Variants in PHF21B observed in about 807,000 individuals in gnomAD.
PHF21B encodes the protein PHD finger protein 4.
PHF21B carries 22 observed loss-of-function variants against 62.2 expected under a neutral mutation model. The ratio of observed to expected loss-of-function variants is 0.35; its 90% CI spans 0.25 to 0.51. The LOEUF is 0.51. PHF21B is among the 20% of genes least tolerant of loss of function. PHF21B has a pLI of 0.97. For missense variants in PHF21B, 701 were observed against 707.9 expected (o/e 0.99, Z 0.11); for synonymous variants, 341 against 314.7 (o/e 1.08, Z -0.88).
chr22:44,919,469 G>T (rs1194729687), intron 3 of PHF21B, among the ~76,000 whole-genome samples: 1 of 152,222 alleles, frequency 6.6e-6, no homozygotes, highest in Non-Finnish European at 1.5e-5. Context: ...GAAACCAAAA[G>T]ATTGGAAGAT....
In PHF21B at chr22:44,937,156, G is replaced by A. The variant is rs1339216252; in HGVS notation, c.121-16666C>T. 3.9e-5 allele frequency among the ~76,000 whole-genome samples: 6 copies of A among 152,216 alleles called. No homozygotes were observed. The East Asian group carries it at 7.7e-4, about 20-fold the overall frequency. ...GCTGGGATTACAGGCATGAACCACC[G>A]CACCCGGCTGAACATTCGCTTCTGC... is the stretch of plus-strand genomic sequence containing the variant. On this transcript the variant is annotated intron_variant, in intron 2 of 12. Coordinates refer to ENST00000313237, the MANE Select transcript of PHF21B (RefSeq NM_138415.5).
chr22:44,889,624 G>C, intron 9 of PHF21B, 136 bp downstream of exon 9: 1 of 1,079,178 alleles, frequency 9.3e-7, no homozygotes, highest in Non-Finnish European at 1.3e-6. Flanking sequence ...AAAGCTCTTA[G>C]CACCTAAAGG....
intron 9 of PHF21B, among the ~76,000 whole-genome samples, chr22:44,889,453 C>A (rs764664712): frequency 6.6e-6 from 1 of 152,208 alleles, no homozygotes; most frequent in Non-Finnish European, 1.5e-5. Context: ...GGCCTTTGGG[C>A]ACCAGCTGGC....
chr22:44,953,022 G>T (rs754622417), intron 2 of PHF21B, among the ~76,000 whole-genome samples: 1 of 152,178 alleles, frequency 6.6e-6, no homozygotes, highest in South Asian at 2.1e-4. Flanking sequence ...CAGCCAGGGG[G>T]ACAGAAGTGG....
chr22:45,005,507 C>T (rs2073299506), intron 2 of PHF21B, among the ~76,000 whole-genome samples: 2 of 152,222 alleles, frequency 1.3e-5, no homozygotes, highest in South Asian at 4.1e-4. Context: ...CTACCCTGAC[C>T]AATAAGCTAT....
In PHF21B at chr22:44,945,909, G is replaced by A. The variant is rs145153735; in HGVS notation, c.121-25419C>T. Among the ~76,000 whole-genome samples, 764 of 152,244 alleles carry A rather than the reference G, an allele frequency of 5.0e-3. 1 individual carries two copies. The highest frequency in any genetic ancestry group is 8.5e-3 in the Non-Finnish European group (580 of 68,022). On this transcript the variant is annotated intron_variant, in intron 2 of 12. Transcript: ENST00000313237. Reference sequence around the variant, plus strand: ...GGAAGATGCTACCATCCCCTCCTGAGGATGACCTCAGGGCCACCCGTGCTG... The same window carrying A: ...GGAAGATGCTACCATCCCCTCCTGAAGATGACCTCAGGGCCACCCGTGCTG...
At chr22:44,995,504 C>T (rs771394674) in intron 2 of PHF21B, among the ~76,000 whole-genome samples, 25 of 152,126 alleles carry the variant, frequency 1.6e-4, no homozygotes, top group Non-Finnish European at 2.8e-4. Flanking sequence ...AGTCCCGAGG[C>T]ACTCTGGTTG....
At chr22:45,004,066 G>A (rs1252139094) in intron 2 of PHF21B, among the ~76,000 whole-genome samples, 1 of 152,102 alleles carries the variant, frequency 6.6e-6, no homozygotes, top group African/African-American at 2.4e-5. Context: ...ATTAGTGGTT[G>A]CTTAAAGCTG....
rs201543548 is a variant in PHF21B, at chr22:44,883,270, C to A, written c.1412G>T (p.Arg471Leu). The change falls in exon 13 of 13, where the codon CGC becomes CTC. Residue 471 changes from arginine (R) to leucine (L), a missense_variant. Transcript: ENST00000313237. ...CLELKTSLLA[R>L]QRGTQSSLDR... is the part of the protein sequence containing the mutation. The stretch of plus-strand genomic sequence containing the variant: ...CAGGGATGACTGGGTGCCCCTCTGG[C>A]GGGCCAGCAGGCTTGTCTTCAACTC... The A allele has an allele frequency of 1.2e-6, 2 of 1,613,796 alleles. No individual in the cohort carries two copies. Among genetic ancestry groups the A allele is most frequent in the Non-Finnish European group, 8.5e-7 (1 of 1,179,930 alleles).
At chr22:44,896,883 T>TTTTTTTTTTTTTTTTTTTTTTTTTTTTG (rs1555933178) in intron 5 of PHF21B, among the ~76,000 whole-genome samples, 1 of 132,320 alleles carries the variant, frequency 7.6e-6, no homozygotes. Context: ...TTTATCTGTT[T>TTTTTTTTTTTTTTTTTTTTTTTTTTTTG]TTTTTTTTTT....
chr22:44,905,863 C>T (rs2071240571), intron 5 of PHF21B, among the ~76,000 whole-genome samples: 2 of 152,150 alleles, frequency 1.3e-5, no homozygotes, highest in Non-Finnish European at 1.5e-5. Flanking sequence ...CTCCTGACCT[C>T]GTGATCCGCC....
Position 44,968,141 on chromosome 22 carries a change from C to T in PHF21B, c.120+40404G>A, listed in dbSNP as rs1042756142. Among the ~76,000 whole-genome samples, 9 of 152,152 alleles carry T rather than the reference C, an allele frequency of 5.9e-5. No homozygotes were observed. The East Asian group carries it at 9.6e-4, about 16-fold the overall frequency. On this transcript the variant is annotated intron_variant, in intron 2 of 12. Coordinates refer to ENST00000313237, the MANE Select transcript of PHF21B (RefSeq NM_138415.5). ...TGTGATCTTTGGGAGAAAGCCACTG[C>T]GCCCAGCTCACCCTTAAGGGGTGAG...
chr22:44,988,270 T>C (rs2072987097), intron 2 of PHF21B, among the ~76,000 whole-genome samples: 1 of 152,166 alleles, frequency 6.6e-6, no homozygotes, highest in Non-Finnish European at 1.5e-5. Flanking sequence ...TTCAAGATCA[T>C]GACCTGGGCA....
At chr22:44,897,197 G>A (rs1263649723) in intron 5 of PHF21B, among the ~76,000 whole-genome samples, 1 of 151,958 alleles carries the variant, frequency 6.6e-6, no homozygotes, top group Non-Finnish European at 1.5e-5. Flanking sequence ...CTTGTGAAAA[G>A]GTCATGACAC....
At position 44,978,200 on chromosome 22, in the gene PHF21B, T is replaced by A. The variant is rs143641261; in HGVS notation, c.120+30345A>T. 1.9e-3 allele frequency among the ~76,000 whole-genome samples: 285 copies of A among 152,236 alleles called. 1 individual carries two copies. Among genetic ancestry groups the A allele is most frequent in the African/African-American group, 6.5e-3 (272 of 41,542 alleles). On this transcript the variant is annotated intron_variant, in intron 2 of 12. Transcript: ENST00000313237. The stretch of plus-strand genomic sequence containing the variant: ...TGCAGGAGATGTACATCTCCCCTCA[T>A]CTTTACTAGATGTTTCCGAATTGTT...
chr22:44,940,311 C>T (rs1689056402), intron 2 of PHF21B, among the ~76,000 whole-genome samples: 1 of 152,232 alleles, frequency 6.6e-6, no homozygotes. Context: ...AGCAAGCCTG[C>T]ACCCAGCGCC....
intron 5 of PHF21B, among the ~76,000 whole-genome samples, chr22:44,899,814 T>C (rs2071126134): frequency 6.6e-6 from 1 of 152,224 alleles, no homozygotes; most frequent in East Asian, 1.9e-4. Context: ...GCTATGAAGA[T>C]TAGTGATATT....
rs376827847 is a variant in PHF21B at position 44,883,308 on chromosome 22, T to C, written c.1378-4A>G. 8.1e-5 allele frequency: 131 copies of C among 1,612,960 alleles called. No individual in the cohort carries two copies. Among genetic ancestry groups the C allele is most frequent in the Non-Finnish European group, 1.1e-4 (124 of 1,179,688 alleles). On this transcript the variant is annotated splice_region_variant and splice_polypyrimidine_tract_variant and intron_variant, in intron 12 of 12. Coordinates refer to ENST00000313237, the MANE Select transcript of PHF21B (RefSeq NM_138415.5). ...TTGTCTTCAACTCCAGGCATTTCTG[T>C]TGGGGAGAAGGTCAGGGGAAAGGGT...
intron 2 of PHF21B, among the ~76,000 whole-genome samples, chr22:44,956,836 T>A (rs1211111071): frequency 6.6e-6 from 1 of 152,184 alleles, no homozygotes; most frequent in African/African-American, 2.4e-5. Context: ...CTCTCCCTCC[T>A]CCTCCGACCT....
Sources: gnomAD v4.1 joint callset for allele counts (sites outside exome capture counted in the v4.1 genomes callset) on GRCh38, gnomAD v4.1.1 for gene constraint, MANE v1.5 for transcripts, NCBI Gene and HGNC (gene_info 2026-07-23, HGNC 2026-07-21) for gene names.